Variants in LYPD6B observed in about 807,000 individuals in gnomAD.
LYPD6B encodes the protein ly6/PLAUR domain-containing protein 6B.
A neutral mutation model predicts 22.8 loss-of-function variants in LYPD6B; 17 were observed. The ratio of observed to expected loss-of-function variants is 0.75; its 90% CI spans 0.51 to 1.12. The LOEUF is 1.12. Ranked by LOEUF, LYPD6B falls within the 50% of genes most tolerant of loss-of-function variation. LYPD6B has a pLI of 0.00. For synonymous variants in LYPD6B, 106 were observed against 91.6 expected (o/e 1.16, Z -0.90); for missense variants, 221 against 258.3 (o/e 0.86, Z 0.99).
intron 1 of LYPD6B, among the ~76,000 whole-genome samples, chr2:149,114,994 C>T (rs527574124): frequency 6.6e-6 from 1 of 152,264 alleles, no homozygotes; most frequent in Admixed American, 6.5e-5. Context: ...GGCTGGAGTG[C>T]AGTGGCATGG....
At chr2:149,052,479 A>G (rs1334516365) in intron 1 of LYPD6B, among the ~76,000 whole-genome samples, 1 of 152,246 alleles carries the variant, frequency 6.6e-6, no homozygotes, top group Non-Finnish European at 1.5e-5. Context: ...AGAAGCAGCC[A>G]TTTTATCACT....
At chr2:149,163,042 C>G (rs765195409) in intron 3 of LYPD6B, among the ~76,000 whole-genome samples, 4 of 151,984 alleles carry the variant, frequency 2.6e-5, no homozygotes, top group Non-Finnish European at 4.4e-5. Flanking sequence ...TGAGAGGGGT[C>G]TCTGTGGGGG....
At chr2:149,153,346 G>C (rs1689490691) in intron 2 of LYPD6B, among the ~76,000 whole-genome samples, 1 of 152,134 alleles carries the variant, frequency 6.6e-6, no homozygotes, top group Non-Finnish European at 1.5e-5. Flanking sequence ...AGTGGACCTG[G>C]GTGCTTGGTT....
chr2:149,048,098 C>G (rs753511046), intron 1 of LYPD6B, among the ~76,000 whole-genome samples: 6 of 152,134 alleles, frequency 3.9e-5, no homozygotes, highest in Non-Finnish European at 7.4e-5. Flanking sequence ...TGTCTGATAG[C>G]TTCAGCATCT....
intron 3 of LYPD6B, among the ~76,000 whole-genome samples, chr2:149,177,796 TCTC>T (rs147259701): frequency 1.8e-3 from 280 of 151,410 alleles, no homozygotes; most frequent in African/African-American, 6.6e-3. Flanking sequence ...AACTGCATCT[TCTC>T]CTTACACAAC....
intron 3 of LYPD6B, among the ~76,000 whole-genome samples, chr2:149,163,362 G>A (rs114839808): frequency 1.4e-3 from 210 of 152,072 alleles, no homozygotes; most frequent in African/African-American, 4.2e-3. Flanking sequence ...TGCCATTCCC[G>A]CCTCTGCACC....
chr2:149,186,480 C>A (rs1364655352), intron 3 of LYPD6B, among the ~76,000 whole-genome samples: 5 of 152,164 alleles, frequency 3.3e-5, no homozygotes, highest in Non-Finnish European at 7.3e-5. Context: ...GGAAAGAAGC[C>A]ATGCCCATAA....
intron 1 of LYPD6B, among the ~76,000 whole-genome samples, chr2:149,122,402 A>G (rs1454300954): frequency 6.7e-6 from 1 of 149,066 alleles, no homozygotes; most frequent in African/African-American, 2.5e-5. Flanking sequence ...TTTTTTTTAA[A>G]AATTATTATT....
intron 1 of LYPD6B, among the ~76,000 whole-genome samples, chr2:149,061,350 A>G (rs936939215): frequency 2.6e-5 from 4 of 152,274 alleles, no homozygotes; most frequent in Non-Finnish European, 1.5e-5. Flanking sequence ...GTAAATTGCT[A>G]TAAGACTTAA....
At chr2:149,069,242 CT>C (rs1684486047) in intron 1 of LYPD6B, among the ~76,000 whole-genome samples, 1 of 151,926 alleles carries the variant, frequency 6.6e-6, no homozygotes, top group Admixed American at 6.6e-5. Context: ...ATAATCATAA[CT>C]TTTTTTTACA....
intron 3 of LYPD6B, among the ~76,000 whole-genome samples, chr2:149,163,755 C>A (rs1690243394): frequency 6.6e-6 from 1 of 152,114 alleles, no homozygotes. Flanking sequence ...ACAGTAAAAT[C>A]AAAGCTTAGA....
chr2:149,152,079 C>T (rs1302990014), intron 2 of LYPD6B, among the ~76,000 whole-genome samples: 2 of 152,162 alleles, frequency 1.3e-5, no homozygotes, highest in Non-Finnish European at 1.5e-5. Flanking sequence ...TAAAACTCCT[C>T]TCTTTTCAAA....
At chr2:149,170,036 T>C (rs972313460) in intron 3 of LYPD6B, among the ~76,000 whole-genome samples, 2 of 152,198 alleles carry the variant, frequency 1.3e-5, no homozygotes, top group African/African-American at 2.4e-5. Flanking sequence ...TGTGGATCCT[T>C]CTGGAAAGAT....
intron 3 of LYPD6B, among the ~76,000 whole-genome samples, chr2:149,196,154 A>G (rs1179132868): frequency 6.6e-6 from 1 of 152,204 alleles, no homozygotes; most frequent in Non-Finnish European, 1.5e-5. Flanking sequence ...ATATATGTAC[A>G]TTTCCTTCTG....
chr2:149,206,597 T>C (rs1233986564), intron 4 of LYPD6B, among the ~76,000 whole-genome samples: 1 of 152,078 alleles, frequency 6.6e-6, no homozygotes, highest in Non-Finnish European at 1.5e-5. Flanking sequence ...AAAAAAATCA[T>C]TTTAAAAAAG....
rs368707242 is a variant in LYPD6B at position 149,214,549 on chromosome 2, T to C, written c.463T>C (p.Cys155Arg). Residue 155 changes from cysteine to arginine, a missense_variant, in exon 7 of 7, where the codon TGT becomes CGT. Physicochemically the swap from Cys to Arg is radical, Grantham distance 180. Transcript: ENST00000409642. ...HHSRDSEHTECRSCCEGMICN... is the reference protein window; with the variant it reads ...HHSRDSEHTERRSCCEGMICN... ...CCTCTCTCCTTTTTTGTAACAGGAGTGTAGGTCTTGCTGTGAAGGAATGAT... is the reference window on the plus strand; with the variant it reads ...CCTCTCTCCTTTTTTGTAACAGGAGCGTAGGTCTTGCTGTGAAGGAATGAT... 1.2e-6 allele frequency: 2 copies of C among 1,613,722 alleles called. No individual in the cohort carries two copies. Among genetic ancestry groups the C allele is most frequent in the East Asian group, 4.5e-5 (2 of 44,870 alleles).
chr2:149,053,939 T>TC (rs112445823), intron 1 of LYPD6B, among the ~76,000 whole-genome samples: 46,430 of 152,064 alleles, frequency 0.31, 7,895 homozygotes, highest in Non-Finnish European at 0.38. Context: ...AGTACTTCAT[T>TC]CTTTTGATGG....
At chr2:149,104,462 G>T (rs938514474) in intron 1 of LYPD6B, among the ~76,000 whole-genome samples, 1 of 152,140 alleles carries the variant, frequency 6.6e-6, no homozygotes, top group Non-Finnish European at 1.5e-5. Flanking sequence ...TGTTGGTAAG[G>T]TTGCATCTCC....
At chr2:149,076,540 T>A (rs1164646650) in intron 1 of LYPD6B, among the ~76,000 whole-genome samples, 1 of 152,160 alleles carries the variant, frequency 6.6e-6, no homozygotes, top group Non-Finnish European at 1.5e-5. Context: ...GAGTTATTTG[T>A]CTAACAAGAA....
Sources: allele counts gnomAD v4.1 joint callset (sites outside exome capture counted in the v4.1 genomes callset), GRCh38; gene constraint gnomAD v4.1.1; transcripts MANE v1.5; gene names NCBI Gene and HGNC (gene_info 2026-07-23, HGNC 2026-07-21).